The following C8orf34 variants were observed in gnomAD, a reference collection of about 807,000 sequenced individuals.
C8orf34 encodes chromosome 8 open reading frame 34, also known as uncharacterized protein C8orf34.
C8orf34 carries 65 observed loss-of-function variants against 68.3 expected under a neutral mutation model. The ratio of observed to expected loss-of-function variants is 0.95; its 90% CI spans 0.78 to 1.17. C8orf34 has a LOEUF of 1.17. Among genes scored for constraint, C8orf34 ranks in the 50% most tolerant of loss-of-function variants. The pLI is 0.00. For missense variants in C8orf34, 664 were observed against 655.4 expected, an observed-to-expected ratio of 1.01 and a Z score of -0.14; for synonymous variants, 244 against 241.2, an observed-to-expected ratio of 1.01 and a Z score of -0.11.
chr8:68,526,059 G>C (rs1814972314), intron 6 of C8orf34, among the ~76,000 whole-genome samples: 1 of 144,620 alleles, frequency 6.9e-6, no homozygotes, highest in South Asian at 2.2e-4. Context: ...CCCAGTTCAA[G>C]TGAGCCTCCC....
intron 7 of C8orf34, among the ~76,000 whole-genome samples, chr8:68,617,480 G>A (rs947923263): frequency 2.0e-5 from 3 of 152,170 alleles, no homozygotes; most frequent in African/African-American, 7.2e-5. Context: ...GGCAGGCCTT[G>A]TGGTGACAAA....
At chr8:68,465,150 C>A (rs544837614) in intron 3 of C8orf34, among the ~76,000 whole-genome samples, 233 of 151,984 alleles carry the variant, frequency 1.5e-3, no homozygotes, top group African/African-American at 3.8e-3. Flanking sequence ...GGACATGAAC[C>A]GACACGTCAC....
At chr8:68,339,269 A>T (rs754759629) in intron 1 of C8orf34, among the ~76,000 whole-genome samples, 31 of 144,214 alleles carry the variant, frequency 2.1e-4, no homozygotes, top group Non-Finnish European at 3.7e-4. Flanking sequence ...AGAGACAATA[A>T]ATAATAAGTA....
chr8:68,715,119 A>G (rs112275477), intron 9 of C8orf34, among the ~76,000 whole-genome samples: 11,256 of 152,242 alleles, frequency 0.074, 606 homozygotes, highest in African/African-American at 0.15. Context: ...TTATACAAAA[A>G]TCAACTCAAA....
At chr8:68,802,605 C>A (rs1824364278) in intron 12 of C8orf34, among the ~76,000 whole-genome samples, 1 of 149,722 alleles carries the variant, frequency 6.7e-6, no homozygotes, top group Non-Finnish European at 1.5e-5. Context: ...CTCACACCAT[C>A]CTCTCACCTC....
Position 68,611,537 on chromosome 8 carries a change from T to C in C8orf34, c.1106-28839T>C, listed in dbSNP as rs530818213. On this transcript the variant is annotated intron_variant, in intron 7 of 13. Coordinates refer to ENST00000518698, the MANE Select transcript of C8orf34 (RefSeq NM_052958.4). The stretch of plus-strand genomic sequence containing the variant: ...AAAGCATTCATGTCATAGAAATTAA[T>C]ACACAGCATTATTTAAGTCAGATAG... Among the ~76,000 whole-genome samples the C allele has an allele frequency of 2.2e-4, 33 of 152,306 alleles. No homozygotes were observed. In the South Asian group the frequency reaches 5.2e-3, roughly 24 times the overall value.
intron 7 of C8orf34, among the ~76,000 whole-genome samples, chr8:68,599,768 G>T (rs1017955354): frequency 3.3e-5 from 5 of 151,996 alleles, no homozygotes; most frequent in Non-Finnish European, 7.4e-5. Context: ...TATACCTGTT[G>T]TAAAAAACTG....
At chr8:68,621,348 A>G (rs957189797) in intron 7 of C8orf34, among the ~76,000 whole-genome samples, 1 of 152,190 alleles carries the variant, frequency 6.6e-6, no homozygotes, top group African/African-American at 2.4e-5. Flanking sequence ...GAGACTCACA[A>G]ACTGGATCAT....
intron 1 of C8orf34, among the ~76,000 whole-genome samples, chr8:68,376,925 A>G (rs1807826884): frequency 6.6e-6 from 1 of 152,210 alleles, no homozygotes; most frequent in Non-Finnish European, 1.5e-5. Context: ...GCCTAGTGGA[A>G]AAGTTGTCTG....
intron 3 of C8orf34, among the ~76,000 whole-genome samples, chr8:68,448,183 G>A (rs1411036295): frequency 6.6e-6 from 1 of 152,064 alleles, no homozygotes; most frequent in African/African-American, 2.4e-5. Flanking sequence ...CACTCATTGT[G>A]CAGGTCCTGT....
intron 5 of C8orf34, among the ~76,000 whole-genome samples, chr8:68,508,311 CA>C: frequency 6.6e-6 from 1 of 152,212 alleles, no homozygotes; most frequent in South Asian, 2.1e-4. Flanking sequence ...ACCATTTTAC[CA>C]AACACTTTAA....
intron 7 of C8orf34, among the ~76,000 whole-genome samples, chr8:68,630,945 A>ATTTT (rs36031699): frequency 0.022 from 2,557 of 118,258 alleles, 117 homozygotes; most frequent in African/African-American, 0.08. Context: ...ATGCCCAGCT[A>ATTTT]TTTTTTTTTT....
intron 10 of C8orf34, among the ~76,000 whole-genome samples, chr8:68,767,378 G>A (rs892059994): frequency 1.3e-5 from 2 of 152,040 alleles, no homozygotes; most frequent in Non-Finnish European, 2.9e-5. Context: ...AGTTAACCTT[G>A]CCAACTTTAA....
intron 8 of C8orf34, among the ~76,000 whole-genome samples, chr8:68,702,585 G>A (rs1269974778): frequency 6.6e-6 from 1 of 152,096 alleles, no homozygotes; most frequent in Admixed American, 6.6e-5. Context: ...TTATGTATGT[G>A]TATGAGTGTG....
chr8:68,364,782 A>G (rs547521421), intron 1 of C8orf34, among the ~76,000 whole-genome samples: 1 of 149,134 alleles, frequency 6.7e-6, no homozygotes, highest in Non-Finnish European at 1.5e-5. Flanking sequence ...AAATGCCCAC[A>G]AGAGAAAGCA....
intron 8 of C8orf34, among the ~76,000 whole-genome samples, chr8:68,668,228 C>G (rs1205933195): frequency 6.6e-6 from 1 of 151,864 alleles, no homozygotes; most frequent in Non-Finnish European, 1.5e-5. Flanking sequence ...GCCTTTGGTT[C>G]TAAGTACCAA....
chr8:68,584,452 G>A (rs1031896971), intron 7 of C8orf34, among the ~76,000 whole-genome samples: 3 of 152,102 alleles, frequency 2.0e-5, no homozygotes, highest in African/African-American at 4.8e-5. Context: ...ACGGAAATCC[G>A]TCTTGTATGC....
At chr8:68,641,469 A>C (rs1261982483) in intron 8 of C8orf34, among the ~76,000 whole-genome samples, 1 of 152,240 alleles carries the variant, frequency 6.6e-6, no homozygotes, top group Non-Finnish European at 1.5e-5. Flanking sequence ...GAAAACCGCA[A>C]TGGAAACATT....
chr8:68,801,617 C>T (rs2953960), intron 12 of C8orf34, among the ~76,000 whole-genome samples: 74,610 of 152,008 alleles, frequency 0.49, 20,826 homozygotes, highest in African/African-American at 0.77. Context: ...CTGAATCCTT[C>T]CTGCTAACCA....
Sources: gnomAD v4.1 joint callset for allele counts (sites outside exome capture counted in the v4.1 genomes callset) on GRCh38, gnomAD v4.1.1 for gene constraint, MANE v1.5 for transcripts, NCBI Gene and HGNC (gene_info 2026-07-23, HGNC 2026-07-21) for gene names.